PARD3B: variants seen among roughly 807,000 people sequenced by gnomAD.
The protein encoded by PARD3B is par-3 family cell polarity regulator beta, also known as partitioning defective 3 homolog B.
PARD3B carries 103 observed loss-of-function variants against 130.2 expected under a neutral mutation model. That is an observed-to-expected ratio of 0.79 (90% CI 0.67 to 0.93). The LOEUF (loss-of-function observed/expected upper bound fraction) is 0.93. PARD3B is among the 40% of genes least tolerant of loss of function. PARD3B has a pLI of 0.00. For missense variants in PARD3B, 1,609 were observed against 1,499.2 expected (o/e 1.07, Z -1.21); for synonymous variants, 583 against 553.2 (o/e 1.05, Z -0.76).
chr2:204,783,510 T>C (rs768991783), intron 2 of PARD3B, among the ~76,000 whole-genome samples: 1 of 152,144 alleles, frequency 6.6e-6, no homozygotes, highest in Non-Finnish European at 1.5e-5. Context: ...CAACACTGAA[T>C]TTTGAGGAAC....
intron 4 of PARD3B, among the ~76,000 whole-genome samples, chr2:205,079,220 A>T (rs1701254601): frequency 6.6e-6 from 1 of 152,246 alleles, no homozygotes; most frequent in African/African-American, 2.4e-5. Flanking sequence ...GATAACCATG[A>T]TTTAAATAAA....
chr2:205,259,067 C>A (rs1289385757), intron 16 of PARD3B, among the ~76,000 whole-genome samples: 1 of 152,132 alleles, frequency 6.6e-6, no homozygotes, highest in Non-Finnish European at 1.5e-5. Context: ...GCTTTCCTTA[C>A]CTGCTTCCAA....
chr2:204,642,769 T>A (rs915994842), intron 1 of PARD3B, among the ~76,000 whole-genome samples: 1 of 151,842 alleles, frequency 6.6e-6, no homozygotes, highest in Non-Finnish European at 1.5e-5. Context: ...TGGAGCAGAC[T>A]TCCCCCTTGC....
chr2:205,369,775 G>A (rs115756143), intron 18 of PARD3B, among the ~76,000 whole-genome samples: 1 of 152,296 alleles, frequency 6.6e-6, no homozygotes, highest in South Asian at 2.1e-4. Flanking sequence ...AGCTGTTTAA[G>A]GGCTTAACTT....
chr2:204,710,145 T>G (rs2038364709), intron 2 of PARD3B, among the ~76,000 whole-genome samples: 1 of 152,328 alleles, frequency 6.6e-6, no homozygotes, highest in South Asian at 2.1e-4. Flanking sequence ...TTCTTCCTTC[T>G]TTTCTTAAAT....
chr2:204,795,961 G>A (rs555100725), intron 2 of PARD3B, among the ~76,000 whole-genome samples: 1 of 152,222 alleles, frequency 6.6e-6, no homozygotes, highest in East Asian at 1.9e-4. Context: ...GTTTTAACAA[G>A]TGTGATTGAG....
intron 16 of PARD3B, among the ~76,000 whole-genome samples, chr2:205,299,600 A>G (rs1024196261): frequency 1.4e-5 from 1 of 72,154 alleles, no homozygotes; most frequent in Admixed American, 1.6e-4. Flanking sequence ...AATGCTGCTA[A>G]TATTTATATA....
At chr2:204,721,722 C>A (rs1043755506) in intron 2 of PARD3B, among the ~76,000 whole-genome samples, 3 of 151,934 alleles carry the variant, frequency 2.0e-5, no homozygotes, top group Non-Finnish European at 4.4e-5. Context: ...AGTCAGTATC[C>A]TTTTGGCCAT....
intron 22 of PARD3B, among the ~76,000 whole-genome samples, chr2:205,570,687 A>G (rs1445212684): frequency 1.3e-5 from 2 of 152,154 alleles, no homozygotes; most frequent in Admixed American, 6.5e-5. Flanking sequence ...CACCCATTGC[A>G]CCACAATGTG....
intron 2 of PARD3B, among the ~76,000 whole-genome samples, chr2:204,794,104 A>T (rs1033159978): frequency 6.6e-6 from 1 of 152,180 alleles, no homozygotes; most frequent in Non-Finnish European, 1.5e-5. Context: ...GTAGACTTGG[A>T]TAAAAGAAAT....
chr2:205,581,409 GTATA>G (rs2053979515), intron 22 of PARD3B, among the ~76,000 whole-genome samples: 1 of 80,330 alleles, frequency 1.2e-5, no homozygotes, highest in African/African-American at 3.9e-5. Context: ...ATATATATAA[GTATA>G]TATAAATATA....
chr2:205,249,119 C>T (rs1467336002), intron 16 of PARD3B, among the ~76,000 whole-genome samples: 4 of 149,452 alleles, frequency 2.7e-5, no homozygotes, highest in South Asian at 4.3e-4. Context: ...AAGCAATTCT[C>T]CTGCCTCAGC....
At position 205,301,899 on chromosome 2, in the gene PARD3B, C is replaced by T; in HGVS notation, c.2630+198C>T. On this transcript the variant is annotated intron_variant, in intron 18 of 22. Transcript: ENST00000406610. This position sits in a 1 kb window ranked among gnomAD's most constrained non-coding sequence, Gnocchi z 5.2. Reference sequence around the variant, plus strand: ...GGAAAGTTACAGTGATGACAGGACACTGTCTTAAGTTTGTTGTCAAAGAAA... The same window carrying T: ...GGAAAGTTACAGTGATGACAGGACATTGTCTTAAGTTTGTTGTCAAAGAAA... 1.2e-6 allele frequency: 1 copy of T among 825,876 alleles called. No individual in the cohort carries two copies. The allele number at this position is 825,876 out of a possible 1,614,324, so 51.2% of individuals were successfully genotyped here. A position where few individuals can be genotyped will look rare whatever the true frequency, so the allele number is the denominator to read the frequency against.
At position 205,615,460 on chromosome 2, in the gene PARD3B, G is replaced by C. The variant is rs193187748; in HGVS notation, c.3265G>C (p.Gly1089Arg). The C allele has an allele frequency of 3.8e-4, 602 of 1,590,512 alleles. 2 individuals carry two copies. The highest frequency in any genetic ancestry group is 1.3e-3 in the Admixed American group (72 of 57,046). ...ERQYASLPRG[G>R]PADPVDYLPA... ...TGTCTCTTCTTCTCTTTCCAGGGGA[G>C]GACCCGCAGATCCTGTAGACTATCT... Residue 1089 changes from glycine to arginine, a missense_variant, in exon 23 of 23, where the codon GGA (glycine) becomes CGA (arginine). Gly to Arg is a moderately radical substitution (Grantham distance 125, BLOSUM62 -2). Transcript: ENST00000406610.
chr2:204,837,858 A>G (rs1294365866), intron 2 of PARD3B, among the ~76,000 whole-genome samples: 1 of 152,112 alleles, frequency 6.6e-6, no homozygotes, highest in Non-Finnish European at 1.5e-5. Context: ...ATAACCCATC[A>G]CATATTTGAA....
chr2:204,645,638 ATAG>A (rs1356124703), intron 1 of PARD3B, among the ~76,000 whole-genome samples: 1 of 152,106 alleles, frequency 6.6e-6, no homozygotes, highest in Non-Finnish European at 1.5e-5. Flanking sequence ...TAGACTCATC[ATAG>A]TAGCCCATTC....
chr2:205,073,589 T>C (rs1700869644), intron 4 of PARD3B, among the ~76,000 whole-genome samples: 1 of 152,168 alleles, frequency 6.6e-6, no homozygotes, highest in South Asian at 2.1e-4. Context: ...TAGAAATTAG[T>C]TTATCTTCCC....
chr2:204,816,373 A>T (rs900914079), intron 2 of PARD3B, among the ~76,000 whole-genome samples: 3 of 151,164 alleles, frequency 2.0e-5, no homozygotes, highest in African/African-American at 7.3e-5. Context: ...ACGTTTTTCT[A>T]TCTGGTTTCA....
chr2:205,067,095 C>CTTTTTCTTTT (rs1700433196), intron 4 of PARD3B, among the ~76,000 whole-genome samples: 1 of 59,712 alleles, frequency 1.7e-5, no homozygotes, highest in Non-Finnish European at 3.1e-5. Context: ...TTTTACTAGG[C>CTTTTTCTTTT]TTTTTTTTTT....
Sources: allele counts gnomAD v4.1 joint callset (sites outside exome capture counted in the v4.1 genomes callset), GRCh38; gene constraint gnomAD v4.1.1; non-coding constraint Gnocchi (gnomAD v3.1); transcripts MANE v1.5; gene names NCBI Gene and HGNC (gene_info 2026-07-23, HGNC 2026-07-21).